Variants in PLEKHG4B observed in about 807,000 individuals in gnomAD.
PLEKHG4B encodes pleckstrin homology and RhoGEF domain containing G4B, also known as pleckstrin homology domain-containing family G member 4B.
Under a neutral mutation model 121.3 loss-of-function variants are expected in PLEKHG4B, and 111 were observed. That is an observed-to-expected ratio of 0.92 (90% CI 0.78 to 1.07). The LOEUF (loss-of-function observed/expected upper bound fraction) is 1.07. Ranked by LOEUF, PLEKHG4B falls within the 50% of genes least tolerant of loss-of-function variation. The pLI is 0.00. For missense variants in PLEKHG4B, 1,831 were observed against 1,757.8 expected, an observed-to-expected ratio of 1.04 and a Z score of -0.74; for synonymous variants, 738 against 725.0, an observed-to-expected ratio of 1.02 and a Z score of -0.29.
intron 16 of PLEKHG4B, among the ~76,000 whole-genome samples, chr5:172,596 G>A (rs561350349): frequency 1.4e-4 from 22 of 152,366 alleles, no homozygotes; most frequent in African/African-American, 5.3e-4. Flanking sequence ...GGGTGGGGGT[G>A]TGGGACGCTC....
Position 140,274 on chromosome 5 carries a change from T to G in PLEKHG4B, c.1035T>G (p.Cys345Trp). 2 of 1,460,442 alleles carry G rather than the reference T, an allele frequency of 1.4e-6. No individual in the cohort carries two copies. Among genetic ancestry groups the G allele is most frequent in the Non-Finnish European group, 1.8e-6 (2 of 1,105,408 alleles). The allele number at this position is 1,460,442 out of a possible 1,614,324, so 90.5% of individuals were successfully genotyped here. ...SRRRPPGDPT[C>W]VQPRRWFRES... ...GGCGGCCGCCGGGGGACCCCACTTGTGTGCAGCCTAGACGCTGGTTCAGGG... is the reference window on the plus strand; with the variant it reads ...GGCGGCCGCCGGGGGACCCCACTTGGGTGCAGCCTAGACGCTGGTTCAGGG... The change falls in exon 3 of 20, where the codon TGT becomes TGG. Residue 345 changes from cysteine (C) to tryptophan (W), a missense_variant. Cys to Trp is a radical substitution (Grantham distance 215, BLOSUM62 -2). Transcript: ENST00000637938.
At chr5:101,763 C>T (rs368136127) in intron 1 of PLEKHG4B, among the ~76,000 whole-genome samples, 205 of 122,294 alleles carry the variant, frequency 1.7e-3, no homozygotes, top group African/African-American at 6.2e-3. Flanking sequence ...CATATAAAGC[C>T]CTGGAAAAAG....
chr5:148,118 A>G (rs79448378), intron 6 of PLEKHG4B, among the ~76,000 whole-genome samples: 63 of 152,326 alleles, frequency 4.1e-4, no homozygotes, highest in Non-Finnish European at 6.6e-4. Flanking sequence ...TACAGCAAAT[A>G]TCATACTCAA....
chr5:100,107 T>G (rs1733758319), intron 1 of PLEKHG4B, among the ~76,000 whole-genome samples: 2 of 152,150 alleles, frequency 1.3e-5, no homozygotes, highest in Non-Finnish European at 1.5e-5. Flanking sequence ...TTTAATATGC[T>G]GTTAGATTTG....
In PLEKHG4B at chr5:188,685, TG is replaced by T. The variant is rs1347695594; in HGVS notation, c.*6365del. 6.6e-6 allele frequency: 1 copy of T among 152,262 alleles called. No homozygotes were observed. Among genetic ancestry groups the T allele is most frequent in the Non-Finnish European group, 1.5e-5 (1 of 68,068 alleles). The allele number at this position is 152,262 out of a possible 1,614,324, so 9.4% of individuals were successfully genotyped here. A position where few individuals can be genotyped will look rare whatever the true frequency, so the allele number is the denominator to read the frequency against. On this transcript the variant is annotated 3_prime_UTR_variant, in exon 20 of 20. Coordinates refer to ENST00000637938, the MANE Select transcript of PLEKHG4B (RefSeq NM_052909.5). Reference sequence around the variant, plus strand: ...CCCACAGAACGCCCATGACACCAGCTGGGTGGAGCTGCCGCCGAGTCCACGC... The same window carrying T: ...CCCACAGAACGCCCATGACACCAGCTGGTGGAGCTGCCGCCGAGTCCACGC...
intron 2 of PLEKHG4B, among the ~76,000 whole-genome samples, chr5:114,670 TG>T (rs761006074): frequency 1.2e-4 from 19 of 152,196 alleles, no homozygotes; most frequent in Non-Finnish European, 2.5e-4. Context: ...TTGGCCAGGC[TG>T]GTCTTAAACT....
intron 7 of PLEKHG4B, among the ~76,000 whole-genome samples, chr5:152,975 G>A (rs1735653770): frequency 6.6e-6 from 1 of 152,192 alleles, no homozygotes; most frequent in African/African-American, 2.4e-5. Flanking sequence ...GGCCTCCCCA[G>A]CCATGCAAAA....
Position 113,772 on chromosome 5 carries a change from G to A in PLEKHG4B, c.243+324G>A, listed in dbSNP as rs1734225890. 6.6e-6 allele frequency among the ~76,000 whole-genome samples: 1 copy of A among 152,094 alleles called. No homozygotes were observed. Among genetic ancestry groups the A allele is most frequent in the Non-Finnish European group, 1.5e-5 (1 of 68,026 alleles). On this transcript the variant is annotated intron_variant, in intron 2 of 19. Coordinates refer to ENST00000637938, the MANE Select transcript of PLEKHG4B (RefSeq NM_052909.5). This position sits in a 1 kb window ranked among gnomAD's most constrained non-coding sequence, Gnocchi z 5.2. ...AAGTTACTACAGCAGTCACAATGCC[G>A]GCCCACCTGGAAGGGACTGTACTGA...
chr5:156,156 G>A lies in PLEKHG4B; in HGVS notation c.2294G>A (p.Gly765Glu), dbSNP rs749544449. 6.3e-7 allele frequency: 1 copy of A among 1,592,826 alleles called. No homozygotes were observed. The highest frequency in any genetic ancestry group is 1.1e-5 in the South Asian group (1 of 88,142). Residue 765 changes from glycine (G) to glutamate (E), a missense_variant, in exon 10 of 20, where the codon GGG becomes GAG. Gly to Glu is a moderately conservative substitution (Grantham distance 98). Coordinates refer to ENST00000637938, the MANE Select transcript of PLEKHG4B (RefSeq NM_052909.5). The surrounding 1 kb of genome is among the most constrained non-coding windows in gnomAD (Gnocchi z 4.4). Reference protein sequence around the residue: ...DPLLVSLRLEGGTVLARLRRE... With the variant: ...DPLLVSLRLEEGTVLARLRRE... ...CTGCTTGTGTCTCTCAGGCTGGAGGGGGGCACCGTCCTGGCGCGGCTGAGG... is the reference window on the plus strand; with the variant it reads ...CTGCTTGTGTCTCTCAGGCTGGAGGAGGGCACCGTCCTGGCGCGGCTGAGG...
At chr5:125,791 T>A (rs1734596302) in intron 2 of PLEKHG4B, among the ~76,000 whole-genome samples, 2 of 152,216 alleles carry the variant, frequency 1.3e-5, no homozygotes, top group Admixed American at 1.3e-4. Context: ...GTGGGTCTAG[T>A]GGTAACAAAT....
intron 2 of PLEKHG4B, among the ~76,000 whole-genome samples, chr5:116,165 A>T (rs1734301338): frequency 6.6e-6 from 1 of 152,174 alleles, no homozygotes; most frequent in South Asian, 2.1e-4. Flanking sequence ...CCTAATTTCA[A>T]TATTATTGTG....
chr5:175,033 G>A (rs1473772965), intron 18 of PLEKHG4B, among the ~76,000 whole-genome samples: 2 of 152,102 alleles, frequency 1.3e-5, no homozygotes, highest in Non-Finnish European at 2.9e-5. Flanking sequence ...AAAGCTCTTG[G>A]ATTGGCCCCG....
At chr5:99,781 A>C (rs1040338849) in intron 1 of PLEKHG4B, among the ~76,000 whole-genome samples, 1 of 152,130 alleles carries the variant, frequency 6.6e-6, no homozygotes, top group Non-Finnish European at 1.5e-5. Context: ...AGAGGTGTAG[A>C]AAGCAGGCAT....
chr5:108,398 C>T (rs1319237869), intron 1 of PLEKHG4B, among the ~76,000 whole-genome samples: 1 of 152,220 alleles, frequency 6.6e-6, no homozygotes, highest in Non-Finnish European at 1.5e-5. Context: ...TCTTCAGCAT[C>T]TCCAGCGGAG....
chr5:175,515 C>CTCT (rs1348575834), intron 18 of PLEKHG4B, among the ~76,000 whole-genome samples: 6 of 152,188 alleles, frequency 3.9e-5, no homozygotes, highest in African/African-American at 9.7e-5. Flanking sequence ...ACCCTACAAG[C>CTCT]CCACCCTGGC....
rs1313878469 is a variant in PLEKHG4B at position 167,374 on chromosome 5, GTGCT to G, written c.3477-1964_3477-1961del. 3.3e-5 allele frequency among the ~76,000 whole-genome samples: 5 copies of G among 152,284 alleles called. No individual in the cohort carries two copies. The East Asian group carries it at 5.8e-4, about 18-fold the overall frequency. On this transcript the variant is annotated intron_variant, in intron 13 of 19. Coordinates refer to ENST00000637938, the MANE Select transcript of PLEKHG4B (RefSeq NM_052909.5). ...TTCAGCAGCATTTCTGCCCACAGCT[GTGCT>G]TCCCATCATTAGCTGCTTTTTAGTT...
At chr5:116,416 A>C (rs578073106) in intron 2 of PLEKHG4B, among the ~76,000 whole-genome samples, 1 of 152,366 alleles carries the variant, frequency 6.6e-6, no homozygotes, top group African/African-American at 2.4e-5. Context: ...CCAAAATGTG[A>C]CACAGAGACA....
intron 13 of PLEKHG4B, among the ~76,000 whole-genome samples, chr5:168,549 G>C (rs532684948): frequency 7.2e-5 from 11 of 152,118 alleles, no homozygotes; most frequent in African/African-American, 2.7e-4. Flanking sequence ...TAGCAGAAGC[G>C]TCACTGCTGG....
intron 18 of PLEKHG4B, 61 bp from the exon 19 acceptor site, chr5:181,453 C>T: frequency 6.4e-7 from 1 of 1,557,456 alleles, no homozygotes; most frequent in Non-Finnish European, 8.8e-7. Context: ...TACCGGGCGT[C>T]TTTGGGGTGG....
Sources: allele counts gnomAD v4.1 joint callset (sites outside exome capture counted in the v4.1 genomes callset), GRCh38; gene constraint gnomAD v4.1.1; non-coding constraint Gnocchi (gnomAD v3.1); transcripts MANE v1.5; gene names NCBI Gene and HGNC (gene_info 2026-07-23, HGNC 2026-07-21).